Variants in GMNN observed in about 807,000 individuals in gnomAD.
GMNN encodes the protein geminin DNA replication inhibitor.
GMNN carries 14 observed loss-of-function variants against 20.9 expected under a neutral mutation model. That is an observed-to-expected ratio of 0.67 (90% CI 0.44 to 1.05). The LOEUF (loss-of-function observed/expected upper bound fraction) is 1.05. GMNN is among the 50% of genes least tolerant of loss of function. GMNN has a pLI of 0.00. For missense variants in GMNN, 227 were observed against 243.8 expected, an observed-to-expected ratio of 0.93 and a Z score of 0.46; for synonymous variants, 81 against 85.8, an observed-to-expected ratio of 0.94 and a Z score of 0.31.
Position 24,781,540 on chromosome 6 carries a change from C to A in GMNN, c.193C>A (p.Pro65Thr). 6.3e-7 allele frequency: 1 copy of A among 1,581,306 alleles called. No individual in the cohort carries two copies. The highest frequency in any genetic ancestry group is 1.1e-5 in the South Asian group (1 of 88,038). The change falls in exon 4 of 7, where the codon CCT becomes ACT. Residue 65 changes from proline to threonine, a missense_variant. Transcript: ENST00000230056. Reference protein sequence around the residue: ...NDHLTSTTSSPGVIVPESSEN... With the variant: ...NDHLTSTTSSTGVIVPESSEN... ...CCACTTAACATCTACAACTTCCAGC[C>A]CTGGGGTTATTGTCCCAGAATCTAG...
At chr6:24,777,401 C>T in intron 2 of GMNN, 104 bp downstream of exon 2, 1 of 495,610 alleles carries the variant, frequency 2.0e-6, no homozygotes, top group South Asian at 3.6e-5. Context: ...TTCTGTAAGC[C>T]TTGAGTTAGT....
In GMNN at chr6:24,781,553, T is replaced by A. The variant is rs1209010654; in HGVS notation, c.206T>A (p.Val69Asp). The stretch of plus-strand genomic sequence containing the variant: ...ACAACTTCCAGCCCTGGGGTTATTG[T>A]CCCAGAATCTAGTGAAAATAAAAAT... The part of the protein sequence containing the change: ...TSTTSSPGVI[V>D]PESSENKNLG... The change falls in exon 4 of 7, where the codon GTC becomes GAC. Residue 69 changes from valine to aspartate, a missense_variant. Physicochemically the swap from Val to Asp is radical, Grantham distance 152. Transcript: ENST00000230056. The A allele has an allele frequency of 6.4e-7, 1 of 1,567,704 alleles. No individual in the cohort carries two copies. The highest frequency in any genetic ancestry group is 2.3e-5 in the East Asian group (1 of 44,328).
intron 2 of GMNN, 62 bp from the exon 3 acceptor site, chr6:24,780,601 C>G: frequency 4.3e-6 from 4 of 922,544 alleles, no homozygotes; most frequent in Middle Eastern, 2.1e-4. Context: ...TACAGAAACT[C>G]AGTAACTAAA....
At chr6:24,775,376 G>T (rs376461286) in intron 1 of GMNN, 132 bp downstream of exon 1, 1 of 152,272 alleles carries the variant, frequency 6.6e-6, no homozygotes, top group African/African-American at 2.4e-5. Flanking sequence ...GCTGGCTGGC[G>T]CAGTTCCCGA....
At chr6:24,782,013 T>C (rs1010260046) in intron 4 of GMNN, among the ~76,000 whole-genome samples, 1 of 151,878 alleles carries the variant, frequency 6.6e-6, no homozygotes, top group African/African-American at 2.4e-5. Flanking sequence ...CCTAGGAGTT[T>C]GTGGCCGCAA....
intron 6 of GMNN, 74 bp downstream of exon 6, chr6:24,784,628 C>CT: frequency 1.5e-6 from 1 of 666,230 alleles, no homozygotes; most frequent in Non-Finnish European, 2.7e-6. Context: ...AGTGTGATCA[C>CT]TTTGAAGTGT....
rs527757702 is a variant in GMNN, at chr6:24,782,087, A to T, written c.274+466A>T. Among the ~76,000 whole-genome samples, 8 of 152,172 alleles carry T rather than the reference A, an allele frequency of 5.3e-5. No homozygotes were observed. The South Asian group carries it at 1.5e-3, about 28-fold the overall frequency. ...GATACAGGGCAAGACCCGGTCTCTG[A>T]AGGAAAAAAAAAGGGTAGGGGGAAA... On this transcript the variant is annotated intron_variant, in intron 4 of 6. Coordinates refer to ENST00000230056, the MANE Select transcript of GMNN (RefSeq NM_015895.5).
chr6:24,785,552 A>G, intron 6 of GMNN, 86 bp from the exon 7 acceptor site: 1 of 619,206 alleles, frequency 1.6e-6, no homozygotes, highest in Middle Eastern at 3.3e-4. Context: ...CTATATCAGT[A>G]TGCTATACGG....
At chr6:24,781,258 C>G (rs1435026768) in intron 3 of GMNN, among the ~76,000 whole-genome samples, 1 of 151,988 alleles carries the variant, frequency 6.6e-6, no homozygotes, top group African/African-American at 2.4e-5. Context: ...CAGCTAAGCT[C>G]TTGACCCCAG....
Position 24,775,223 on chromosome 6 carries a change from C to T in GMNN, c.-47C>T, listed in dbSNP as rs1156496252. ...CCTCTGAAGCCGCGTCCTACTTTGA[C>T]AGCTGCAGGGCCGCGGCCTGGGTAA... On this transcript the variant is annotated 5_prime_UTR_variant, in exon 1 of 7. Coordinates refer to ENST00000230056, the MANE Select transcript of GMNN (RefSeq NM_015895.5). 1.3e-5 allele frequency: 2 copies of T among 152,402 alleles called. No homozygotes were observed. Among genetic ancestry groups the T allele is most frequent in the Non-Finnish European group, 2.9e-5 (2 of 68,166 alleles). 9.4% of individuals were successfully genotyped at this position (152,402 alleles called of 1,614,324 possible).
chr6:24,784,263 G>A (rs1343874664), intron 5 of GMNN, 94 bp downstream of exon 5: 2 of 751,672 alleles, frequency 2.7e-6, no homozygotes, highest in African/African-American at 1.8e-5. Context: ...GCTAGCTTTA[G>A]TATTGGCTTA....
chr6:24,785,809 A>G lies in GMNN; in HGVS notation c.*10A>G, dbSNP rs780708194. The stretch of plus-strand genomic sequence containing the variant: ...AAAGCCATGTATATGAAATGCATTA[A>G]TATTTGACTGTTGAGAATTTTACTG... On this transcript the variant is annotated 3_prime_UTR_variant, in exon 7 of 7. Coordinates refer to ENST00000230056, the MANE Select transcript of GMNN (RefSeq NM_015895.5). The G allele has an allele frequency of 2.6e-6, 4 of 1,539,366 alleles. No homozygotes were observed. The East Asian group carries it at 7.0e-5, about 27-fold the overall frequency.
At chr6:24,777,318 A>AT in intron 2 of GMNN, 21 bp downstream of exon 2, 3 of 992,048 alleles carry the variant, frequency 3.0e-6, no homozygotes, top group African/African-American at 3.4e-5. Context: ...GAATAACTTT[A>AT]ATTTTTTTTT....
At chr6:24,784,208 C>A in intron 5 of GMNN, 39 bp downstream of exon 5, 1 of 1,047,754 alleles carries the variant, frequency 9.5e-7, no homozygotes, top group South Asian at 1.3e-5. Context: ...TTTAAAAATT[C>A]CAGGATTGTT....
intron 2 of GMNN, among the ~76,000 whole-genome samples, chr6:24,780,189 C>T (rs1354537127): frequency 6.6e-6 from 1 of 152,092 alleles, no homozygotes. Context: ...AAAAGAGTAC[C>T]TGTAAGTTTT....
chr6:24,780,849 A>C (rs999441746), intron 3 of GMNN, 109 bp downstream of exon 3: 3 of 650,508 alleles, frequency 4.6e-6, no homozygotes, highest in Admixed American at 2.5e-5. Context: ...ATTTGGAAAT[A>C]ATTTGGGAAT....
At chr6:24,784,233 A>G in intron 5 of GMNN, 64 bp downstream of exon 5, 3 of 888,858 alleles carry the variant, frequency 3.4e-6, no homozygotes, top group Non-Finnish European at 5.6e-6. Context: ...TGCTTAGCAT[A>G]TTTTATTAGA....
intron 1 of GMNN, chr6:24,776,792 T>C (rs1581424844): frequency 6.6e-6 from 1 of 152,624 alleles, no homozygotes; most frequent in South Asian, 2.1e-4. Context: ...TGACCAGATA[T>C]TAAGTCTGTG....
rs1780193305 is a variant in GMNN, at chr6:24,780,803, A to G, written c.129+63A>G. 4 of 800,754 alleles carry G rather than the reference A, an allele frequency of 5.0e-6. No homozygotes were observed. The Admixed American group carries it at 5.6e-5, about 11-fold the overall frequency. The allele number at this position is 800,754 out of a possible 1,614,324, so 49.6% of individuals were successfully genotyped here. A position where few individuals can be genotyped will look rare whatever the true frequency, so the allele number is the denominator to read the frequency against. ...CAGTGTCTACATCGAAAACATTTCT[A>G]CTATTTTCTTGGTCAGAAACACGTA... On this transcript the variant is annotated intron_variant, in intron 3 of 6. Transcript: ENST00000230056.
Sources: gnomAD v4.1 joint callset for allele counts (sites outside exome capture counted in the v4.1 genomes callset) on GRCh38, gnomAD v4.1.1 for gene constraint, MANE v1.5 for transcripts, NCBI Gene and HGNC (gene_info 2026-07-23, HGNC 2026-07-21) for gene names.